Variants in L3MBTL4 observed in about 807,000 individuals in gnomAD.
The protein encoded by L3MBTL4 is L3MBTL histone methyl-lysine binding protein 4, also known as lethal(3)malignant brain tumor-like protein 4.
Under a neutral mutation model 84.5 loss-of-function variants are expected in L3MBTL4, and 70 were observed. That is an observed-to-expected ratio of 0.83 (90% CI 0.68 to 1.01). The LOEUF is 1.01. L3MBTL4 is among the 50% of genes least tolerant of loss of function. L3MBTL4 has a pLI of 0.00. For synonymous variants in L3MBTL4, 274 were observed against 259.8 expected, an observed-to-expected ratio of 1.05 and a Z score of -0.52; for missense variants, 715 against 754.8, an observed-to-expected ratio of 0.95 and a Z score of 0.62.
chr18:6,256,853 G>A (rs560342550), intron 5 of L3MBTL4: 1 of 152,476 alleles, frequency 6.6e-6, no homozygotes, highest in Non-Finnish European at 1.5e-5. Flanking sequence ...TGGAAGGATA[G>A]AGGACTGTGG....
chr18:6,165,951 A>G (rs1219205649), intron 13 of L3MBTL4, among the ~76,000 whole-genome samples: 1 of 152,194 alleles, frequency 6.6e-6, no homozygotes. Flanking sequence ...ACGTGCAGAG[A>G]CACACATAGG....
chr18:6,347,719 T>C (rs2052984569), intron 1 of L3MBTL4, among the ~76,000 whole-genome samples: 1 of 151,978 alleles, frequency 6.6e-6, no homozygotes, highest in Non-Finnish European at 1.5e-5. Flanking sequence ...TCATACATGA[T>C]GGTGAATTAT....
intron 10 of L3MBTL4, among the ~76,000 whole-genome samples, chr18:6,229,204 A>G (rs1287691078): frequency 6.6e-6 from 1 of 152,190 alleles, no homozygotes. Context: ...ACAGTGATAA[A>G]CATCAAAAGT....
intron 1 of L3MBTL4, among the ~76,000 whole-genome samples, chr18:6,406,903 G>A (rs1207221821): frequency 4.6e-5 from 7 of 152,216 alleles, no homozygotes; most frequent in Non-Finnish European, 8.8e-5. Context: ...GCTACTCTGG[G>A]CTGAAAGTTC....
At chr18:6,335,991 C>A (rs1340631684) in intron 1 of L3MBTL4, among the ~76,000 whole-genome samples, 1 of 152,138 alleles carries the variant, frequency 6.6e-6, no homozygotes, top group African/African-American at 2.4e-5. Flanking sequence ...TGTATTAAAT[C>A]AAATCTAGTA....
intron 1 of L3MBTL4, among the ~76,000 whole-genome samples, chr18:6,335,089 A>T (rs1056448462): frequency 3.3e-5 from 5 of 152,018 alleles, no homozygotes; most frequent in African/African-American, 1.2e-4. Flanking sequence ...ATTTTATTTT[A>T]CTTTATTTAT....
intron 14 of L3MBTL4, 30 bp from the exon 15 acceptor site, chr18:6,093,558 A>G (rs2143663532): frequency 3.1e-6 from 5 of 1,596,934 alleles, no homozygotes; most frequent in Non-Finnish European, 4.3e-6. Context: ...GAGCACAGTC[A>G]TCAGTATACA....
chr18:6,032,576 G>A (rs559185738), intron 16 of L3MBTL4, among the ~76,000 whole-genome samples: 3 of 151,598 alleles, frequency 2.0e-5, no homozygotes, highest in Middle Eastern at 3.4e-3. Flanking sequence ...AATATTTACC[G>A]TCTTAACCAT....
intron 12 of L3MBTL4, among the ~76,000 whole-genome samples, chr18:6,177,592 T>C (rs2044280779): frequency 6.6e-6 from 1 of 152,206 alleles, no homozygotes; most frequent in South Asian, 2.1e-4. Flanking sequence ...AATCTGTACA[T>C]CTTATCATTT....
At chr18:6,185,960 C>CTTTTTTTTATTATTTTATTT (rs1555682201) in intron 12 of L3MBTL4, among the ~76,000 whole-genome samples, 3 of 145,786 alleles carry the variant, frequency 2.1e-5, no homozygotes, top group Admixed American at 6.7e-5. Context: ...AGGGCACTTT[C>CTTTTTTTTATTATTTTATTT]TTTATTTTAT....
Position 6,029,497 on chromosome 18 carries a change from C to T in L3MBTL4, c.1444+51384G>A, listed in dbSNP as rs1568003124. On this transcript the variant is annotated intron_variant, in intron 16 of 18. Transcript: ENST00000317931. ...ATTAAATGTAATACACAGAAATATACAATCTTTCCATACAGACAATCTTAG... is the reference window on the plus strand; with the variant it reads ...ATTAAATGTAATACACAGAAATATATAATCTTTCCATACAGACAATCTTAG... The T allele has an allele frequency of 7.1e-6, 7 of 979,288 alleles. No homozygotes were observed. The East Asian group carries it at 4.6e-4, about 64-fold the overall frequency. 60.7% of individuals were successfully genotyped at this position (979,288 alleles called of 1,614,324 possible).
chr18:6,174,692 A>AAGCCCC (rs1200472150), intron 12 of L3MBTL4, among the ~76,000 whole-genome samples: 25 of 150,812 alleles, frequency 1.7e-4, no homozygotes, highest in African/African-American at 6.0e-4. Context: ...CAACACGGTG[A>AAGCCCC]AGCCCCATCT....
intron 12 of L3MBTL4, among the ~76,000 whole-genome samples, chr18:6,183,054 A>G (rs2044552027): frequency 6.6e-6 from 1 of 152,254 alleles, no homozygotes; most frequent in Non-Finnish European, 1.5e-5. Flanking sequence ...GGTTACAGTT[A>G]TAAGAAATAG....
At chr18:6,130,874 A>G (rs1352678036) in intron 14 of L3MBTL4, among the ~76,000 whole-genome samples, 1 of 152,186 alleles carries the variant, frequency 6.6e-6, no homozygotes, top group Non-Finnish European at 1.5e-5. Context: ...TCATACAGAT[A>G]AGAACTGATG....
chr18:5,985,867 A>G (rs2145075190), intron 16 of L3MBTL4, among the ~76,000 whole-genome samples: 1 of 152,274 alleles, frequency 6.6e-6, no homozygotes, highest in Non-Finnish European at 1.5e-5. Flanking sequence ...CTACAAATGG[A>G]CCAGGAGAGA....
At chr18:6,081,151 C>A in intron 15 of L3MBTL4, 200 bp from the exon 16 acceptor site, 1 of 427,826 alleles carries the variant, frequency 2.3e-6, no homozygotes, top group Non-Finnish European at 4.1e-6. Flanking sequence ...GACTTTGAAC[C>A]CTGAAATTTA....
At chr18:6,305,042 T>C (rs918545537) in intron 3 of L3MBTL4, among the ~76,000 whole-genome samples, 14 of 152,352 alleles carry the variant, frequency 9.2e-5, no homozygotes, top group African/African-American at 2.9e-4. Flanking sequence ...TTAAATTGCC[T>C]AAGCTTCCAA....
chr18:6,334,429 A>AAGGT (rs2052218934), intron 1 of L3MBTL4, among the ~76,000 whole-genome samples: 1 of 152,216 alleles, frequency 6.6e-6, no homozygotes, highest in Non-Finnish European at 1.5e-5. Flanking sequence ...TTCAGTACTC[A>AAGGT]GACTCGGAAG....
chr18:6,404,645 G>C (rs1442755010), intron 1 of L3MBTL4, among the ~76,000 whole-genome samples: 1 of 152,154 alleles, frequency 6.6e-6, no homozygotes, highest in Non-Finnish European at 1.5e-5. Context: ...AAGAAGGTCA[G>C]TAAATAATCT....
Sources: allele counts gnomAD v4.1 joint callset (sites outside exome capture counted in the v4.1 genomes callset), GRCh38; gene constraint gnomAD v4.1.1; transcripts MANE v1.5; gene names NCBI Gene and HGNC (gene_info 2026-07-23, HGNC 2026-07-21).